Variants in ELN observed in about 807,000 individuals in gnomAD.
The protein encoded by ELN is tropoelastin.
In ELN, 65 loss-of-function variants were observed where a neutral mutation model predicts 105.8. The ratio of observed to expected loss-of-function variants is 0.61; its 90% CI spans 0.50 to 0.75. The LOEUF (loss-of-function observed/expected upper bound fraction) is 0.75, where lower values mean the gene tolerates loss of function less well. Among genes scored for constraint, ELN ranks in the 30% least tolerant of loss-of-function variants. The probability of loss-of-function intolerance (pLI) is 0.00; values close to 1 mark genes in which losing one functional copy is unlikely to be tolerated. For synonymous variants in ELN, 368 were observed against 389.2 expected (o/e 0.95, Z 0.64); for missense variants, 882 against 969.4 (o/e 0.91, Z 1.20).
chr7:74,059,066 AC>A (rs1796015444), intron 22 of ELN, among the ~76,000 whole-genome samples: 1 of 151,538 alleles, frequency 6.6e-6, no homozygotes, highest in Non-Finnish European at 1.5e-5. Context: ...GGCTACAGTC[AC>A]ATGCCACCAT....
chr7:74,030,346 C>T (rs55909819), intron 1 of ELN, among the ~76,000 whole-genome samples: 2,474 of 151,936 alleles, frequency 0.016, 63 homozygotes, highest in African/African-American at 0.057. Context: ...AACCCTGTTG[C>T]GGGGGTGGGG....
rs782200971 is a variant in ELN, at chr7:74,036,530, T to C, written c.134-25T>C. 1.4e-5 allele frequency: 22 copies of C among 1,613,534 alleles called. No homozygotes were observed. In the East Asian group the frequency reaches 4.9e-4, roughly 36 times the overall value. ...GCCTGGCAGAAGTACCGATGATCTC[T>C]CTTTCTCTTTCTCTCCCCCCACAGG... On this transcript the variant is annotated intron_variant, in intron 2 of 32. Coordinates refer to ENST00000252034, the MANE Select transcript of ELN (RefSeq NM_000501.4).
intron 15 of ELN, among the ~76,000 whole-genome samples, chr7:74,048,903 TCATC>T (rs1325839246): frequency 1.0e-4 from 15 of 144,716 alleles, no homozygotes; most frequent in Non-Finnish European, 2.0e-4. Context: ...CTCCATCCAT[TCATC>T]CATCCATCCA....
chr7:74,062,786 G>T (rs1402511753), intron 26 of ELN, among the ~76,000 whole-genome samples: 6 of 152,078 alleles, frequency 3.9e-5, no homozygotes, highest in African/African-American at 1.4e-4. Flanking sequence ...CCTGACCTCA[G>T]GTGATCCACT....
intron 32 of ELN, 100 bp from the exon 33 acceptor site, chr7:74,068,556 GC>G: frequency 6.8e-7 from 1 of 1,475,138 alleles, no homozygotes; most frequent in Non-Finnish European, 9.4e-7. Context: ...GCTTCTCTTG[GC>G]TTCTTGGAGC....
At chr7:74,045,817 G>A in intron 10 of ELN, 1 of 317,754 alleles carries the variant, frequency 3.1e-6, no homozygotes, top group Non-Finnish European at 6.0e-6. Flanking sequence ...GGGAGGCCGA[G>A]GTGGGCGGAT....
In ELN at chr7:74,041,333, A is replaced by G. The variant is rs1040931974; in HGVS notation, c.232+82A>G. 5.7e-6 allele frequency: 9 copies of G among 1,574,718 alleles called. No homozygotes were observed. In the Admixed American group the frequency reaches 1.3e-4, roughly 23 times the overall value. On this transcript the variant is annotated intron_variant, in intron 5 of 32. Transcript: ENST00000252034. ...CCCAGGGCTGGTATGCAGCACGGTC[A>G]TGGAACAAGGGTGCAGGCCAGGTTC...
At chr7:74,054,857 G>A in intron 19 of ELN, 88 bp downstream of exon 19, 3 of 1,490,156 alleles carry the variant, frequency 2.0e-6, no homozygotes, top group Non-Finnish European at 2.8e-6. Flanking sequence ...GCCCAGAGAA[G>A]GGAAGTGACT....
Position 74,059,920 on chromosome 7 carries a change from T to TGGCGTGGCTCCTGGTGTC in ELN, c.1452_1469dup (p.Val491_Gly496dup). On this transcript the variant is annotated inframe_insertion, in exon 23 of 33. Transcript: ENST00000252034. Reference sequence around the variant, plus strand: ...CTGGTGTCGGCGTGGCTCCTGGAGTTGGCGTGGCTCCTGGTGTCGGTGTGG... The same window carrying TGGCGTGGCTCCTGGTGTC: ...CTGGTGTCGGCGTGGCTCCTGGAGTTGGCGTGGCTCCTGGTGTCGGCGTGGCTCCTGGTGTCGGTGTGG... The TGGCGTGGCTCCTGGTGTC allele has an allele frequency of 2.6e-6, 4 of 1,557,132 alleles. No homozygotes were observed. Among genetic ancestry groups the TGGCGTGGCTCCTGGTGTC allele is most frequent in the Non-Finnish European group, 1.8e-6 (2 of 1,128,560 alleles).
intron 21 of ELN, among the ~76,000 whole-genome samples, chr7:74,057,050 C>A (rs887085939): frequency 4.5e-4 from 68 of 152,102 alleles, no homozygotes; most frequent in African/African-American, 1.5e-3. Context: ...CCAGCCTGGC[C>A]AATATGGTGA....
At chr7:74,035,720 A>C in intron 2 of ELN, 1 of 452,224 alleles carries the variant, frequency 2.2e-6, no homozygotes, top group East Asian at 4.3e-5. Context: ...ACACACACAC[A>C]CACAAATTTA....
intron 3 of ELN, among the ~76,000 whole-genome samples, chr7:74,037,137 C>T (rs1327103916): frequency 2.7e-5 from 4 of 149,196 alleles, no homozygotes; most frequent in Non-Finnish European, 5.9e-5. Context: ...CCGGCCCCTT[C>T]CTATTTCTTT....
chr7:74,049,517 C>G (rs1554674648), intron 15 of ELN, among the ~76,000 whole-genome samples: 2 of 151,632 alleles, frequency 1.3e-5, no homozygotes, highest in African/African-American at 2.4e-5. Flanking sequence ...ATTCATCCAT[C>G]CAACCATTCC....
rs544141377 is a variant in ELN, at chr7:74,066,793, G to C, written c.2131+17G>C. The C allele has an allele frequency of 4.3e-6, 7 of 1,612,710 alleles. No individual in the cohort carries two copies. Among genetic ancestry groups the C allele is most frequent in the Non-Finnish European group, 5.1e-6 (6 of 1,179,088 alleles). Reference sequence around the variant, plus strand: ...TTTTCCCAGGTATGCCAGGCTCCCTGCCCCTGGGCCCTGCCCTGGAGCTGC... The same window carrying C: ...TTTTCCCAGGTATGCCAGGCTCCCTCCCCCTGGGCCCTGCCCTGGAGCTGC... On this transcript the variant is annotated intron_variant, in intron 32 of 32. Transcript: ENST00000252034.
At chr7:74,057,574 C>A (rs1795561410) in intron 21 of ELN, 66 bp from the exon 22 acceptor site, 7 of 1,609,136 alleles carry the variant, frequency 4.4e-6, no homozygotes, top group Non-Finnish European at 5.1e-6. Flanking sequence ...AAGACTGAGC[C>A]TAGAGATGGG....
In ELN at chr7:74,028,300, T is replaced by G. The variant is rs782737546; in HGVS notation, c.82+31T>G. On this transcript the variant is annotated intron_variant, in intron 1 of 32. Coordinates refer to ENST00000252034, the MANE Select transcript of ELN (RefSeq NM_000501.4). ...GACCCCTCGCCCCTGTCCCCAGCGC[T>G]GCCCACAGCTGCGGGCCCTTTGGGC... 5 of 1,593,506 alleles carry G rather than the reference T, an allele frequency of 3.1e-6. No homozygotes were observed. The South Asian group carries it at 3.4e-5, about 11-fold the overall frequency.
intron 30 of ELN, 61 bp from the exon 31 acceptor site, chr7:74,065,883 G>A (rs1353369097): frequency 7.4e-6 from 12 of 1,613,494 alleles, no homozygotes; most frequent in Admixed American, 5.0e-5. Flanking sequence ...AACCCAGCAG[G>A]GATATCAGGG....
At chr7:74,037,638 T>TG in intron 3 of ELN, 69 bp from the exon 4 acceptor site, 1 of 1,579,302 alleles carries the variant, frequency 6.3e-7, no homozygotes, top group South Asian at 1.2e-5. Context: ...TTGCCCGGGT[T>TG]GGGGGTTGGA....
chr7:74,060,633 A>G, intron 25 of ELN, 132 bp downstream of exon 25: 1 of 1,559,308 alleles, frequency 6.4e-7, no homozygotes, highest in Non-Finnish European at 8.7e-7. Flanking sequence ...GGTTCTCCTA[A>G]GCATCTGGGG....
Sources: gnomAD v4.1 joint callset for allele counts (sites outside exome capture counted in the v4.1 genomes callset) on GRCh38, gnomAD v4.1.1 for gene constraint, MANE v1.5 for transcripts, NCBI Gene and HGNC (gene_info 2026-07-23, HGNC 2026-07-21) for gene names.